Variants in ERC2 observed in about 807,000 individuals in gnomAD.
The protein encoded by ERC2 is ERC protein 2.
Under a neutral mutation model 114.8 loss-of-function variants are expected in ERC2, and 42 were observed. That is an observed-to-expected ratio of 0.37 (90% CI 0.29 to 0.47). ERC2 has a LOEUF of 0.47. ERC2 is among the 20% of genes least tolerant of loss of function. The pLI is 0.99. For missense variants in ERC2, 939 were observed against 1,150.7 expected (o/e 0.82, Z 2.66); for synonymous variants, 454 against 425.5 (o/e 1.07, Z -0.82).
intron 13 of ERC2, among the ~76,000 whole-genome samples, chr3:55,945,417 T>C (rs548832560): frequency 1.5e-4 from 23 of 152,336 alleles, no homozygotes; most frequent in African/African-American, 5.3e-4. Flanking sequence ...TGAATTTAAC[T>C]TAGTGGCTTG....
intron 14 of ERC2, among the ~76,000 whole-genome samples, chr3:55,839,319 C>T (rs1313111383): frequency 6.6e-6 from 1 of 151,532 alleles, no homozygotes; most frequent in Non-Finnish European, 1.5e-5. Flanking sequence ...TAGATCTGCA[C>T]CACAAAAAAA....
At chr3:55,570,928 C>T (rs1163537087) in intron 17 of ERC2, among the ~76,000 whole-genome samples, 1 of 151,956 alleles carries the variant, frequency 6.6e-6, no homozygotes, top group African/African-American at 2.4e-5. Flanking sequence ...GAGATCGAGA[C>T]CATCCTGGCC....
At chr3:55,611,378 G>T (rs920823160) in intron 17 of ERC2, among the ~76,000 whole-genome samples, 1 of 152,196 alleles carries the variant, frequency 6.6e-6, no homozygotes, top group African/African-American at 2.4e-5. Context: ...AGAATAGTGG[G>T]GTTCCAATGA....
chr3:55,548,048 T>C (rs1180262751), intron 17 of ERC2, among the ~76,000 whole-genome samples: 1 of 152,154 alleles, frequency 6.6e-6, no homozygotes, highest in African/African-American at 2.4e-5. Flanking sequence ...TGGTCCACAA[T>C]AGGGGCTGGG....
At chr3:56,163,775 G>T (rs1281243957) in intron 4 of ERC2, among the ~76,000 whole-genome samples, 3 of 152,024 alleles carry the variant, frequency 2.0e-5, no homozygotes, top group Non-Finnish European at 4.4e-5. Context: ...TGTGATGTGG[G>T]TCTCTTGAAG....
chr3:55,822,280 T>C (rs1002810669), intron 14 of ERC2, among the ~76,000 whole-genome samples: 7 of 152,210 alleles, frequency 4.6e-5, no homozygotes, highest in African/African-American at 1.4e-4. Context: ...TTCCAAAATA[T>C]TTCCTTTTAA....
At chr3:55,606,436 G>T (rs2058644790) in intron 17 of ERC2, among the ~76,000 whole-genome samples, 1 of 149,892 alleles carries the variant, frequency 6.7e-6, no homozygotes, top group Non-Finnish European at 1.5e-5. Context: ...CATAGGCCTT[G>T]GAAAGCAAAT....
intron 17 of ERC2, among the ~76,000 whole-genome samples, chr3:55,680,836 G>A (rs1464871085): frequency 6.6e-6 from 1 of 152,216 alleles, no homozygotes; most frequent in African/African-American, 2.4e-5. Flanking sequence ...AGTATAAAGA[G>A]AATTGGGAAG....
At chr3:55,720,130 CCTCTTCTTCT>C (rs1266298325) in intron 15 of ERC2, among the ~76,000 whole-genome samples, 1 of 11,968 alleles carries the variant, frequency 8.4e-5, no homozygotes, top group African/African-American at 5.1e-4. Context: ...CCTTCTTCTT[CCTCTTCTTCT>C]TCCTCTTCTT....
intron 3 of ERC2, among the ~76,000 whole-genome samples, chr3:56,212,274 C>T (rs9810412): frequency 0.029 from 4,435 of 152,066 alleles, 69 homozygotes; most frequent in Middle Eastern, 0.058. Context: ...AACATAATCC[C>T]ATCAAAAAGT....
intron 2 of ERC2, among the ~76,000 whole-genome samples, chr3:56,377,852 CAAAAA>C (rs113903383): frequency 3.0e-5 from 4 of 133,874 alleles, no homozygotes; most frequent in Non-Finnish European, 3.3e-5. Flanking sequence ...ACCCTATCTC[CAAAAA>C]AAAAAACAAA....
At chr3:55,735,956 G>A (rs2065604394) in intron 14 of ERC2, among the ~76,000 whole-genome samples, 1 of 152,080 alleles carries the variant, frequency 6.6e-6, no homozygotes, top group South Asian at 2.1e-4. Context: ...TCATCCCTGA[G>A]TTCTTTCCTT....
chr3:56,268,081 A>G (rs893260405), intron 3 of ERC2, among the ~76,000 whole-genome samples: 2 of 152,224 alleles, frequency 1.3e-5, no homozygotes, highest in Non-Finnish European at 2.9e-5. Flanking sequence ...CAATTCCTGC[A>G]TCATGATGTC....
At chr3:55,561,772 C>A (rs72870454) in intron 17 of ERC2, among the ~76,000 whole-genome samples, 1,795 of 152,276 alleles carry the variant, frequency 0.012, 38 homozygotes, top group African/African-American at 0.041. Flanking sequence ...CATGACCCAT[C>A]TGAGTGGGAG....
intron 3 of ERC2, among the ~76,000 whole-genome samples, chr3:56,199,890 A>G (rs2048314389): frequency 1.3e-5 from 2 of 152,090 alleles, no homozygotes; most frequent in Admixed American, 1.3e-4. Flanking sequence ...AGGACACTAG[A>G]TAAGAAGGGA....
At chr3:56,158,382 T>C (rs2081856904) in intron 4 of ERC2, among the ~76,000 whole-genome samples, 1 of 152,196 alleles carries the variant, frequency 6.6e-6, no homozygotes, top group African/African-American at 2.4e-5. Flanking sequence ...AAACTATGTG[T>C]GTATTCAGAG....
At chr3:56,163,700 T>C (rs943202990) in intron 4 of ERC2, among the ~76,000 whole-genome samples, 1 of 152,100 alleles carries the variant, frequency 6.6e-6, no homozygotes, top group Non-Finnish European at 1.5e-5. Context: ...TTTTTGTTTG[T>C]TTGCTTTTTA....
intron 14 of ERC2, among the ~76,000 whole-genome samples, chr3:55,806,526 T>A (rs1038035412): frequency 6.6e-6 from 1 of 151,900 alleles, no homozygotes; most frequent in African/African-American, 2.4e-5. Flanking sequence ...AGCAATAGAA[T>A]TGAGCCCCGG....
intron 13 of ERC2, among the ~76,000 whole-genome samples, chr3:55,932,471 T>G (rs112981561): frequency 2.9e-4 from 44 of 152,362 alleles, no homozygotes; most frequent in African/African-American, 1.1e-3. Context: ...CATACTGTTA[T>G]GAACAGGCTG....
Sources: gnomAD v4.1 joint callset for allele counts (sites outside exome capture counted in the v4.1 genomes callset) on GRCh38, gnomAD v4.1.1 for gene constraint, MANE v1.5 for transcripts, NCBI Gene and HGNC (gene_info 2026-07-23, HGNC 2026-07-21) for gene names.